PDCD1LG2: variants seen among roughly 807,000 people sequenced by gnomAD.
PDCD1LG2 encodes programmed cell death 1 ligand 2, also known as B7 dendritic cell molecule.
PDCD1LG2 carries 32 observed loss-of-function variants against 28.2 expected under a neutral mutation model. The ratio of observed to expected loss-of-function variants is 1.13; its 90% CI spans 0.86 to 1.52. The LOEUF (loss-of-function observed/expected upper bound fraction) is 1.52. PDCD1LG2 is among the 40% of genes most tolerant of loss of function. The pLI is 0.00. For missense variants in PDCD1LG2, 385 were observed against 323.8 expected (o/e 1.19, Z -1.45); for synonymous variants, 116 against 120.2 (o/e 0.97, Z 0.23).
chr9:5,558,501 G>A (rs147678203), intron 5 of PDCD1LG2, among the ~76,000 whole-genome samples: 5 of 152,264 alleles, frequency 3.3e-5, no homozygotes, highest in African/African-American at 1.2e-4. Flanking sequence ...CGGCTCCCTT[G>A]TCTGCACTCA....
At chr9:5,516,120 C>T (rs1820157246) in intron 1 of PDCD1LG2, among the ~76,000 whole-genome samples, 2 of 151,594 alleles carry the variant, frequency 1.3e-5, no homozygotes, top group Non-Finnish European at 2.9e-5. Flanking sequence ...GGCGCAATCT[C>T]GGCTCACTGC....
chr9:5,519,711 G>C (rs1398869999), intron 1 of PDCD1LG2, among the ~76,000 whole-genome samples: 1 of 152,058 alleles, frequency 6.6e-6, no homozygotes, highest in Non-Finnish European at 1.5e-5. Context: ...CCTCCACTTG[G>C]CTATCTAATA....
At chr9:5,513,356 C>T (rs1197748977) in intron 1 of PDCD1LG2, among the ~76,000 whole-genome samples, 3 of 152,378 alleles carry the variant, frequency 2.0e-5, no homozygotes, top group South Asian at 4.1e-4. Context: ...AATCCTACCC[C>T]TCTGGGAAGT....
intron 2 of PDCD1LG2, among the ~76,000 whole-genome samples, chr9:5,533,168 A>G (rs977434999): frequency 3.3e-5 from 5 of 152,246 alleles, no homozygotes; most frequent in African/African-American, 9.6e-5. Context: ...GCTCTACTGA[A>G]CATAATTTGA....
intron 2 of PDCD1LG2, among the ~76,000 whole-genome samples, chr9:5,532,102 A>G (rs998225352): frequency 6.6e-6 from 1 of 152,206 alleles, no homozygotes; most frequent in Non-Finnish European, 1.5e-5. Flanking sequence ...GTGGATTAAA[A>G]TAAAAGAATC....
In PDCD1LG2 at chr9:5,549,472, T is replaced by C; in HGVS notation, c.499T>C (p.Ser167Pro). ...NVSVPANTSH[S>P]RTPEGLYQVT... is the part of the protein sequence containing the mutation. ...CAGCGTTCCTGCCAACACCAGCCAC[T>C]CCAGGACCCCTGAAGGCCTCTACCA... is the stretch of plus-strand genomic sequence containing the variant. The change falls in exon 4 of 7, where the codon TCC (serine) becomes CCC (proline). Residue 167 changes from serine (S) to proline (P), a missense_variant. Ser to Pro is a moderately conservative substitution (Grantham distance 74, BLOSUM62 -1). Transcript: ENST00000397747. 1 of 1,614,158 alleles carries C rather than the reference T, an allele frequency of 6.2e-7. No homozygotes were observed. Among genetic ancestry groups the C allele is most frequent in the Non-Finnish European group, 8.5e-7 (1 of 1,180,032 alleles).
At chr9:5,547,069 G>A (rs1442472799) in intron 3 of PDCD1LG2, among the ~76,000 whole-genome samples, 2 of 152,184 alleles carry the variant, frequency 1.3e-5, no homozygotes, top group African/African-American at 4.8e-5. Context: ...GTGAAGAACG[G>A]CATGAACATT....
intron 1 of PDCD1LG2, among the ~76,000 whole-genome samples, chr9:5,512,897 C>T (rs542596851): frequency 5.3e-5 from 8 of 152,276 alleles, no homozygotes; most frequent in South Asian, 2.1e-4. Flanking sequence ...GTCTCTTGTG[C>T]ATGGCTGATC....
chr9:5,538,466 A>G (rs555543076), intron 3 of PDCD1LG2, among the ~76,000 whole-genome samples: 1 of 151,642 alleles, frequency 6.6e-6, no homozygotes, highest in South Asian at 2.1e-4. Context: ...CGGGTGGATC[A>G]TGAGGTCAGG....
chr9:5,527,823 C>A (rs539691310), intron 2 of PDCD1LG2, among the ~76,000 whole-genome samples: 1 of 151,560 alleles, frequency 6.6e-6, no homozygotes, highest in Non-Finnish European at 1.5e-5. Flanking sequence ...CACTGGTATT[C>A]TTTTCTATTT....
rs1271760131 is a variant in PDCD1LG2, at chr9:5,563,010, CA to C, written c.767-151del. 1.5e-5 allele frequency: 10 copies of C among 648,320 alleles called. No individual in the cohort carries two copies. The East Asian group carries it at 2.8e-4, about 18-fold the overall frequency. 40.2% of individuals were successfully genotyped at this position (648,320 alleles called of 1,614,324 possible). ...CCTAGGGGCCAGATTTTGCTTTATG[CA>C]TTACCATCCGAAGTCCCAGGCCACA... On this transcript the variant is annotated intron_variant, in intron 5 of 6. Transcript: ENST00000397747.
intron 1 of PDCD1LG2, among the ~76,000 whole-genome samples, chr9:5,517,717 C>T (rs997415643): frequency 6.6e-6 from 1 of 152,048 alleles, no homozygotes; most frequent in African/African-American, 2.4e-5. Flanking sequence ...ATGACTCTGA[C>T]CGATATGGAA....
chr9:5,516,444 C>A (rs1820165783), intron 1 of PDCD1LG2, among the ~76,000 whole-genome samples: 1 of 152,210 alleles, frequency 6.6e-6, no homozygotes, highest in Admixed American at 6.5e-5. Context: ...ACTGTAAGTT[C>A]TTACCCCAGG....
intron 6 of PDCD1LG2, 146 bp downstream of exon 6, chr9:5,563,357 G>A (rs1373226063): frequency 1.5e-5 from 11 of 738,090 alleles, no homozygotes; most frequent in South Asian, 5.8e-5. Flanking sequence ...GCATTTCAGC[G>A]AAGCCTCGTT....
chr9:5,541,480 T>C (rs1374362148), intron 3 of PDCD1LG2, among the ~76,000 whole-genome samples: 3 of 152,208 alleles, frequency 2.0e-5, no homozygotes, highest in Non-Finnish European at 4.4e-5. Flanking sequence ...TGAAAGCTCC[T>C]AGAACTGGTA....
At chr9:5,525,164 A>G (rs968327913) in intron 2 of PDCD1LG2, among the ~76,000 whole-genome samples, 5 of 152,150 alleles carry the variant, frequency 3.3e-5, no homozygotes, top group Non-Finnish European at 5.9e-5. Flanking sequence ...CCTGGCCAAC[A>G]TGGTGAAACC....
At chr9:5,555,359 G>C (rs1306280456) in intron 4 of PDCD1LG2, among the ~76,000 whole-genome samples, 3 of 152,208 alleles carry the variant, frequency 2.0e-5, no homozygotes, top group African/African-American at 7.2e-5. Context: ...GGAGGTTGCA[G>C]TGAGCCAAGA....
chr9:5,544,480 C>T (rs970597084), intron 3 of PDCD1LG2, among the ~76,000 whole-genome samples: 1 of 152,192 alleles, frequency 6.6e-6, no homozygotes, highest in African/African-American at 2.4e-5. Flanking sequence ...CCAGTCCACC[C>T]TCTAGTGTTC....
rs562881139 is a variant in PDCD1LG2 at position 5,525,743 on chromosome 9, A to G, written c.55+3142A>G. Among the ~76,000 whole-genome samples the G allele has an allele frequency of 2.6e-5, 4 of 152,198 alleles. No individual in the cohort carries two copies. The East Asian group carries it at 5.8e-4, about 22-fold the overall frequency. On this transcript the variant is annotated intron_variant, in intron 2 of 6. Coordinates refer to ENST00000397747, the MANE Select transcript of PDCD1LG2 (RefSeq NM_025239.4). The stretch of plus-strand genomic sequence containing the variant: ...CTTAAGCATACCTTATATATAGAAG[A>G]TAAAGCTTAAAAAGTAAAGAAGAGG...
Sources: gnomAD v4.1 joint callset for allele counts (sites outside exome capture counted in the v4.1 genomes callset) on GRCh38, gnomAD v4.1.1 for gene constraint, MANE v1.5 for transcripts, NCBI Gene and HGNC (gene_info 2026-07-23, HGNC 2026-07-21) for gene names.